STK36: variants seen among roughly 807,000 people sequenced by gnomAD.
The protein encoded by STK36 is serine/threonine-protein kinase 36.
A neutral mutation model predicts 142.2 loss-of-function variants in STK36; 116 were observed. The ratio of observed to expected loss-of-function variants is 0.82; its 90% CI spans 0.70 to 0.95. The LOEUF is 0.95. Ranked by LOEUF, STK36 falls within the 40% of genes least tolerant of loss-of-function variation. The pLI, the probability that STK36 is intolerant of heterozygous loss-of-function variation, is 0.00. For synonymous variants in STK36, 619 were observed against 641.7 expected (o/e 0.96, Z 0.53); for missense variants, 1,422 against 1,617.2 (o/e 0.88, Z 2.07).
In STK36 at chr2:218,678,841, G is replaced by A. The variant is rs1940373264; in HGVS notation, c.685-327G>A. ...GTTCTTTGAATGTTTGCTGTCTGAA[G>A]ATCATTAAGAAGGTGACATCTGTTT... On this transcript the variant is annotated intron_variant, in intron 6 of 26. Transcript: ENST00000295709. Among the ~76,000 whole-genome samples, 6 of 152,338 alleles carry A rather than the reference G, an allele frequency of 3.9e-5. No individual in the cohort carries two copies. In the South Asian group the frequency reaches 1.2e-3, roughly 32 times the overall value.
Position 218,694,160 on chromosome 2 carries a change from T to C in STK36, c.2337-104T>C, listed in dbSNP as rs1484647807. 1.5e-5 allele frequency: 18 copies of C among 1,214,500 alleles called. No homozygotes were observed. Among genetic ancestry groups the C allele is most frequent in the Non-Finnish European group, 1.9e-5 (16 of 822,046 alleles). 75.2% of individuals were successfully genotyped at this position (1,214,500 alleles called of 1,614,324 possible). A position where few individuals can be genotyped will look rare whatever the true frequency, so the allele number is the denominator to read the frequency against. ...TCCCATCAACTTTGTGCCTTGGAGG[T>C]AGACATGCAGCCTAGGTGAAGAACA... On this transcript the variant is annotated intron_variant, in intron 19 of 26. Transcript: ENST00000295709. This position sits in a 1 kb window ranked among gnomAD's most constrained non-coding sequence, Gnocchi z 4.4.
At chr2:218,679,523 C>G in intron 7 of STK36, 37 bp from the exon 8 acceptor site, 1 of 1,599,240 alleles carries the variant, frequency 6.3e-7, no homozygotes, top group South Asian at 1.1e-5. Flanking sequence ...GACTATGGCC[C>G]CCATGATCAT....
Position 218,689,969 on chromosome 2 carries a change from G to T in STK36, c.1658+13G>T. ...AGACAAGTGACAGGTAGGATAAGAAGTGCTTTTGCATTGTTGGCAAGTTTG... is the reference window on the plus strand; with the variant it reads ...AGACAAGTGACAGGTAGGATAAGAATTGCTTTTGCATTGTTGGCAAGTTTG... On this transcript the variant is annotated intron_variant, in intron 13 of 26. Transcript: ENST00000295709. 1 of 1,569,838 alleles carries T rather than the reference G, an allele frequency of 6.4e-7. No individual in the cohort carries two copies. The highest frequency in any genetic ancestry group is 8.7e-7 in the Non-Finnish European group (1 of 1,155,484).
At position 218,685,147 on chromosome 2, in the gene STK36, A is replaced by C; in HGVS notation, c.1299A>C (p.Gln433His). Reference protein sequence around the residue: ...LLETTEPVPIQLKAPLTLLCN... With the variant: ...LLETTEPVPIHLKAPLTLLCN... ...AGACCACTGAGCCTGTGCCTATTCAACTGAAGGCTCCTCTCACCTTGCTGT... is the reference window on the plus strand; with the variant it reads ...AGACCACTGAGCCTGTGCCTATTCACCTGAAGGCTCCTCTCACCTTGCTGT... Residue 433 changes from glutamine to histidine, a missense_variant, in exon 11 of 27, where the codon CAA (glutamine) becomes CAC (histidine). Physicochemically the swap from Gln to His is conservative, Grantham distance 24 (BLOSUM62 0). This residue lies in a region of STK36 where 962 missense variants were observed against 1,167.5 expected (regional missense o/e 0.82). Coordinates refer to ENST00000295709, the MANE Select transcript of STK36 (RefSeq NM_015690.5). 6.2e-7 allele frequency: 1 copy of C among 1,614,168 alleles called. No individual in the cohort carries two copies. Among genetic ancestry groups the C allele is most frequent in the Non-Finnish European group, 8.5e-7 (1 of 1,180,028 alleles).
intron 13 of STK36, 89 bp from the exon 14 acceptor site, chr2:218,690,361 T>G: frequency 1.9e-6 from 2 of 1,043,758 alleles, no homozygotes; most frequent in South Asian, 2.5e-5. Flanking sequence ...TTTGCAGAGA[T>G]TCTCCTACCT....
chr2:218,696,861 A>G, intron 22 of STK36, 178 bp from the exon 23 acceptor site: 1 of 1,011,922 alleles, frequency 9.9e-7, no homozygotes, highest in Admixed American at 1.7e-5. Flanking sequence ...TTGTGAGGTC[A>G]GAGGGTTAAG....
chr2:218,684,414 CTTTTTTTTTT>C (rs779556469), intron 10 of STK36, among the ~76,000 whole-genome samples: 1 of 49,326 alleles, frequency 2.0e-5, no homozygotes, highest in Non-Finnish European at 3.4e-5. Flanking sequence ...TGCGCCTGGC[CTTTTTTTTTT>C]TTTTTTTTTT....
At position 218,679,614 on chromosome 2, in the gene STK36, C is replaced by T. The variant is rs776514641; in HGVS notation, c.833C>T (p.Pro278Leu). Residue 278 changes from proline (P) to leucine (L), a missense_variant, in exon 8 of 27, where the codon CCC (proline) becomes CTC (leucine). Pro to Leu is a moderately conservative substitution (Grantham distance 98). Transcript: ENST00000295709. ...GGGACCCCATTCACCAGCCGCCTAC[C>T]CCCAGAACTTCAGGTCCTAAAGGAC... ...DLGTPFTSRLPPELQVLKDEQ... is the reference protein window; with the variant it reads ...DLGTPFTSRLLPELQVLKDEQ... 4 of 1,614,182 alleles carry T rather than the reference C, an allele frequency of 2.5e-6. No individual in the cohort carries two copies. Among genetic ancestry groups the T allele is most frequent in the Non-Finnish European group, 3.4e-6 (4 of 1,180,046 alleles).
intron 4 of STK36, among the ~76,000 whole-genome samples, chr2:218,674,513 C>G (rs568666377): frequency 3.7e-4 from 57 of 152,326 alleles, no homozygotes; most frequent in Middle Eastern, 3.4e-3. Flanking sequence ...GTAGGCCCCC[C>G]CTGGGATTCA....
chr2:218,679,310 T>C, intron 7 of STK36, 49 bp downstream of exon 7: 1 of 1,550,376 alleles, frequency 6.5e-7, no homozygotes. Context: ...GTACTTCCTC[T>C]AAACTACTTC....
Position 218,672,877 on chromosome 2 carries a change from G to C in STK36, c.48G>C (p.Gly16=), listed in dbSNP as rs772924334. The change falls in exon 2 of 27, where the codon GGG becomes GGC. Residue 16 remains glycine (G), a synonymous_variant. Transcript: ENST00000295709. ...VLEMIGEGSF[G]RVYKGRRKYS... ...AGATGATTGGAGAAGGCTCTTTTGG[G>C]AGGGTGTACAAGGGTCGAAGAAAAT... The C allele has an allele frequency of 6.2e-7, 1 of 1,614,134 alleles. No individual in the cohort carries two copies. Among genetic ancestry groups the C allele is most frequent in the South Asian group, 1.1e-5 (1 of 91,082 alleles).
rs201991472 is a variant in STK36 at position 218,679,778 on chromosome 2, G to C, written c.948+49G>C. 1.6e-5 allele frequency: 26 copies of C among 1,611,706 alleles called. No homozygotes were observed. The African/African-American group carries it at 2.9e-4, about 18-fold the overall frequency. On this transcript the variant is annotated intron_variant, in intron 8 of 26. Coordinates refer to ENST00000295709, the MANE Select transcript of STK36 (RefSeq NM_015690.5). Reference sequence around the variant, plus strand: ...GTGAAATGACCAGGCTAGTGACTGGGGAGTTAGAGGAGGAGGGTGACTTTC... The same window carrying C: ...GTGAAATGACCAGGCTAGTGACTGGCGAGTTAGAGGAGGAGGGTGACTTTC...
chr2:218,689,871 G>A lies in STK36; in HGVS notation c.1573G>A (p.Gly525Arg). ...TTTTCCTGGGCAGCAATCTTGGTAT[G>A]GGACCTTCTTACAGGACCTGATGGC... ...SNSLQQQSWY[G>R]TFLQDLMAVI... The change falls in exon 13 of 27, where the codon GGG becomes AGG. Residue 525 changes from glycine (G) to arginine (R), a missense_variant. Around this residue, in one of 2 missense-constraint regions of STK36, gnomAD observed 962 missense variants for 1,167.5 expected, o/e 0.82. Transcript: ENST00000295709. 6.2e-7 allele frequency: 1 copy of A among 1,610,010 alleles called. No individual in the cohort carries two copies.
Position 218,694,678 on chromosome 2 carries a change from CAG to C in STK36, c.2511+45_2511+46del. 1 of 1,535,086 alleles carries C rather than the reference CAG, an allele frequency of 6.5e-7. No homozygotes were observed. The highest frequency in any genetic ancestry group is 9.0e-7 in the Non-Finnish European group (1 of 1,108,632). ...GGGCACAGACATGTTTTCTCTGAGTCAGACACTAGGACTGCATTCAAGGGGAA... is the reference window on the plus strand; with the variant it reads ...GGGCACAGACATGTTTTCTCTGAGTCACACTAGGACTGCATTCAAGGGGAA... On this transcript the variant is annotated intron_variant, in intron 21 of 26. Transcript: ENST00000295709. This position sits in a 1 kb window ranked among gnomAD's most constrained non-coding sequence, Gnocchi z 4.4.
rs201144739 is a variant in STK36, at chr2:218,698,646, C to T, written c.3102C>T (p.Ile1034=). 6.2e-7 allele frequency: 1 copy of T among 1,614,222 alleles called. No homozygotes were observed. ...HLPLMQVELP[I]SLLTRLALMD... is the part of the protein sequence containing the mutation. ...CGTTGATGCAAGTGGAGCTGCCCATCAGCCTTCTCACACGCCTGGCCCTCA... is the reference window on the plus strand; with the variant it reads ...CGTTGATGCAAGTGGAGCTGCCCATTAGCCTTCTCACACGCCTGGCCCTCA... Residue 1034 remains isoleucine, a synonymous_variant, in exon 26 of 27, where the codon ATC becomes ATT. Transcript: ENST00000295709.
intron 23 of STK36, 30 bp from the exon 24 acceptor site, chr2:218,697,433 C>G: frequency 6.2e-7 from 1 of 1,612,006 alleles, no homozygotes; most frequent in Non-Finnish European, 8.5e-7. Context: ...CTTGCCTGTT[C>G]CATTGGGTCT....
rs1449733612 is a variant in STK36, at chr2:218,685,163, A to G, written c.1315A>G (p.Thr439Ala). The stretch of plus-strand genomic sequence containing the variant: ...GCCTATTCAACTGAAGGCTCCTCTC[A>G]CCTTGCTGTGTAATCCTGACTTCTG... Reference protein sequence around the residue: ...PVPIQLKAPLTLLCNPDFCQR... With the variant: ...PVPIQLKAPLALLCNPDFCQR... Residue 439 changes from threonine (T) to alanine (A), a missense_variant, in exon 11 of 27, where the codon ACC becomes GCC. Coordinates refer to ENST00000295709, the MANE Select transcript of STK36 (RefSeq NM_015690.5). The G allele has an allele frequency of 6.2e-7, 1 of 1,614,176 alleles. No homozygotes were observed.
chr2:218,683,812 C>G (rs1940645700), intron 10 of STK36, among the ~76,000 whole-genome samples: 1 of 151,930 alleles, frequency 6.6e-6, no homozygotes, highest in Non-Finnish European at 1.5e-5. Context: ...TCAATTCCCA[C>G]CTATGAGTGA....
At chr2:218,700,616 G>A (rs1575146366) in intron 26 of STK36, among the ~76,000 whole-genome samples, 1 of 151,176 alleles carries the variant, frequency 6.6e-6, no homozygotes, top group Admixed American at 6.6e-5. Flanking sequence ...GGCCAGGCTG[G>A]TCTTGAACTC....
Sources: gnomAD v4.1 joint callset for allele counts (sites outside exome capture counted in the v4.1 genomes callset) on GRCh38, gnomAD v4.1.1 for gene constraint, gnomAD v4.1.1 regional missense constraint, Gnocchi (gnomAD v3.1) non-coding constraint, MANE v1.5 for transcripts, NCBI Gene and HGNC (gene_info 2026-07-23, HGNC 2026-07-21) for gene names.